Variants in GABRB2 observed in about 807,000 individuals in gnomAD.
GABRB2 encodes gamma-aminobutyric acid type A receptor subunit beta2.
A neutral mutation model predicts 54.7 loss-of-function variants in GABRB2; 16 were observed. The ratio of observed to expected loss-of-function variants is 0.29; its 90% CI spans 0.20 to 0.44. The LOEUF (loss-of-function observed/expected upper bound fraction) is 0.44, where lower values mean the gene tolerates loss of function less well. Among genes scored for constraint, GABRB2 ranks in the 20% least tolerant of loss-of-function variants. The pLI, the probability that GABRB2 is intolerant of heterozygous loss-of-function variation, is 1.00. For missense variants in GABRB2, 355 were observed against 644.0 expected, an observed-to-expected ratio of 0.55 and a Z score of 4.86; for synonymous variants, 244 against 233.8, an observed-to-expected ratio of 1.04 and a Z score of -0.40.
At chr5:161,475,924 T>A (rs1017000380) in intron 3 of GABRB2, among the ~76,000 whole-genome samples, 2 of 151,926 alleles carry the variant, frequency 1.3e-5, no homozygotes, top group Non-Finnish European at 2.9e-5. Flanking sequence ...CACTTCTATT[T>A]AGCACAGCCC....
In GABRB2 at chr5:161,458,009, T is replaced by C. The variant is rs971725642; in HGVS notation, c.458+1615A>G. ...ATGATGGACAAAATGCATCCAGCAC[T>C]GGGTCTGCTCTGGGTAACTTATCAT... On this transcript the variant is annotated intron_variant, in intron 4 of 9. Coordinates refer to ENST00000393959, the MANE Select transcript of GABRB2 (RefSeq NM_001371727.1). Among the ~76,000 whole-genome samples, 7 of 152,280 alleles carry C rather than the reference T, an allele frequency of 4.6e-5. No individual in the cohort carries two copies. In the East Asian group the frequency reaches 1.4e-3, roughly 29 times the overall value.
rs192305163 is a variant in GABRB2 at position 161,492,404 on chromosome 5, T to C, written c.238-32560A>G. 9.0e-4 allele frequency among the ~76,000 whole-genome samples: 136 copies of C among 151,862 alleles called. 2 individuals are homozygous for C. In the East Asian group the frequency reaches 0.023, roughly 26 times the overall value. ...TGATAAGTGATCGTCTATGCCTGAA[T>C]TAATGCAGGCCTTAAAAGTTCTTCT... On this transcript the variant is annotated intron_variant, in intron 3 of 9. Coordinates refer to ENST00000393959, the MANE Select transcript of GABRB2 (RefSeq NM_001371727.1).
At chr5:161,296,647 A>C (rs2113338105) in intron 9 of GABRB2, among the ~76,000 whole-genome samples, 1 of 149,486 alleles carries the variant, frequency 6.7e-6, no homozygotes, top group African/African-American at 2.5e-5. Context: ...TAGTTACATA[A>C]TTTTTTATTC....
At chr5:161,414,175 G>A (rs981866379) in intron 4 of GABRB2, among the ~76,000 whole-genome samples, 1 of 152,136 alleles carries the variant, frequency 6.6e-6, no homozygotes, top group Non-Finnish European at 1.5e-5. Flanking sequence ...GATTAGAACA[G>A]AAACTTTGGA....
intron 4 of GABRB2, among the ~76,000 whole-genome samples, chr5:161,441,795 T>C (rs1757472592): frequency 6.6e-6 from 1 of 152,166 alleles, no homozygotes; most frequent in African/African-American, 2.4e-5. Context: ...GATCCATTCA[T>C]TTGTAACATG....
chr5:161,309,352 A>G (rs1389677097), intron 9 of GABRB2, among the ~76,000 whole-genome samples: 1 of 152,194 alleles, frequency 6.6e-6, no homozygotes, highest in Non-Finnish European at 1.5e-5. Flanking sequence ...AAAAGTCAAA[A>G]AACAACAAAT....
At chr5:161,494,886 T>C (rs1373824492) in intron 3 of GABRB2, among the ~76,000 whole-genome samples, 3 of 151,954 alleles carry the variant, frequency 2.0e-5, no homozygotes, top group South Asian at 2.1e-4. Context: ...TATATGCTAT[T>C]ACTCAGAAAT....
chr5:161,544,050 C>T (rs745464911), intron 3 of GABRB2, among the ~76,000 whole-genome samples: 1 of 152,108 alleles, frequency 6.6e-6, no homozygotes, highest in African/African-American at 2.4e-5. Context: ...TATCTTTAGA[C>T]AGTGTATGAG....
rs149477433 is a variant in GABRB2 at position 161,461,856 on chromosome 5, T to A, written c.238-2012A>T. ...GTCCAGTAAGCTATGCCTAGTGGAT[T>A]TCTGCACAAATCTGCATAATTTTGT... is the stretch of plus-strand genomic sequence containing the variant. On this transcript the variant is annotated intron_variant, in intron 3 of 9. Transcript: ENST00000393959. 8.9e-3 allele frequency among the ~76,000 whole-genome samples: 1,352 copies of A among 152,296 alleles called. 10 individuals are homozygous for A. The highest frequency in any genetic ancestry group is 0.015 in the Non-Finnish European group (1,028 of 68,010).
intron 9 of GABRB2, among the ~76,000 whole-genome samples, chr5:161,319,682 A>G (rs2113378363): frequency 6.6e-6 from 1 of 151,692 alleles, no homozygotes; most frequent in East Asian, 1.9e-4. Flanking sequence ...GTGACCATCT[A>G]AATCATTTGG....
intron 4 of GABRB2, among the ~76,000 whole-genome samples, chr5:161,416,002 G>T (rs1756655792): frequency 6.8e-6 from 1 of 146,160 alleles, no homozygotes; most frequent in Non-Finnish European, 1.5e-5. Flanking sequence ...GCAGTGGAAT[G>T]ATCTCAGCTC....
intron 5 of GABRB2, 21 bp downstream of exon 5, chr5:161,410,954 T>C (rs757663403): frequency 7.5e-6 from 12 of 1,596,920 alleles, no homozygotes; most frequent in Non-Finnish European, 1.0e-5. Flanking sequence ...CCAGTCTAGC[T>C]GGATTCTCAG....
At chr5:161,394,688 C>T (rs1209994102) in intron 5 of GABRB2, among the ~76,000 whole-genome samples, 2 of 151,998 alleles carry the variant, frequency 1.3e-5, no homozygotes, top group Non-Finnish European at 2.9e-5. Context: ...AGTCCCATAT[C>T]TGTTAAAGAT....
intron 4 of GABRB2, among the ~76,000 whole-genome samples, chr5:161,444,780 C>A (rs1252415883): frequency 6.6e-6 from 1 of 152,008 alleles, no homozygotes; most frequent in African/African-American, 2.4e-5. Flanking sequence ...ATTTTTTTCA[C>A]CTCATTTAAA....
intron 3 of GABRB2, among the ~76,000 whole-genome samples, chr5:161,498,350 G>GTT (rs33983588): frequency 1.3e-5 from 2 of 148,368 alleles, no homozygotes; most frequent in South Asian, 4.2e-4. Flanking sequence ...AAAATCTTTA[G>GTT]TTTTTTTTTT....
At chr5:161,440,518 A>T (rs985298293) in intron 4 of GABRB2, among the ~76,000 whole-genome samples, 9 of 152,192 alleles carry the variant, frequency 5.9e-5, no homozygotes, top group Non-Finnish European at 8.8e-5. Flanking sequence ...TAAAAGGTCA[A>T]TTTAGCAAGA....
chr5:161,313,062 T>C (rs1236388772), intron 9 of GABRB2, among the ~76,000 whole-genome samples: 1 of 152,180 alleles, frequency 6.6e-6, no homozygotes, highest in Non-Finnish European at 1.5e-5. Context: ...ATTTCTCAGA[T>C]CAGCTTTGTT....
intron 3 of GABRB2, among the ~76,000 whole-genome samples, chr5:161,515,292 C>T (rs1459340173): frequency 6.6e-6 from 1 of 151,822 alleles, no homozygotes; most frequent in African/African-American, 2.4e-5. Flanking sequence ...AAAAAAAATT[C>T]AAAAGTAAAA....
At chr5:161,459,313 G>C (rs1484466253) in intron 4 of GABRB2, 1 of 342,364 alleles carries the variant, frequency 2.9e-6, no homozygotes, top group Non-Finnish European at 5.5e-6. Context: ...CATTCACAAT[G>C]TTTTTGTATT....
Sources: allele counts gnomAD v4.1 joint callset (sites outside exome capture counted in the v4.1 genomes callset), GRCh38; gene constraint gnomAD v4.1.1; transcripts MANE v1.5; gene names NCBI Gene and HGNC (gene_info 2026-07-23, HGNC 2026-07-21).